The following RGL1 variants were observed in gnomAD, a reference collection of about 807,000 sequenced individuals.
RGL1 encodes the protein ral guanine nucleotide dissociation stimulator-like 1.
In RGL1, 24 loss-of-function variants were observed where a neutral mutation model predicts 95.2. The observed-to-expected ratio is 0.25, with a 90% CI of 0.18 to 0.35. The LOEUF is 0.35. RGL1 is among the 10% of genes least tolerant of loss of function. The pLI is 1.00. For synonymous variants in RGL1, 329 were observed against 344.9 expected (o/e 0.95, Z 0.51); for missense variants, 715 against 936.3 (o/e 0.76, Z 3.08).
intron 1 of RGL1, among the ~76,000 whole-genome samples, chr1:183,740,607 G>T (rs1044809910): frequency 1.3e-5 from 2 of 152,176 alleles, no homozygotes; most frequent in African/African-American, 4.8e-5. Flanking sequence ...ATGAAAACCA[G>T]CCTGTTGTTA....
At chr1:183,783,404 C>T (rs1020256206) in intron 2 of RGL1, among the ~76,000 whole-genome samples, 1 of 152,160 alleles carries the variant, frequency 6.6e-6, no homozygotes, top group Non-Finnish European at 1.5e-5. Flanking sequence ...TACTTTTGCA[C>T]CAATCCAATA....
chr1:183,884,606 T>A (rs1667008957), intron 6 of RGL1, 117 bp from the exon 7 acceptor site: 1 of 757,916 alleles, frequency 1.3e-6, no homozygotes, highest in Non-Finnish European at 2.2e-6. Context: ...ACAAATCAAG[T>A]AGAAAAGGAT....
intron 1 of RGL1, among the ~76,000 whole-genome samples, chr1:183,705,519 G>A (rs982932176): frequency 6.6e-6 from 1 of 152,156 alleles, no homozygotes; most frequent in African/African-American, 2.4e-5. Context: ...CCAAAAAGGT[G>A]GGGGCTGTCT....
rs987969991 is a variant in RGL1 at position 183,746,668 on chromosome 1, T to G, written c.132+4379T>G. On this transcript the variant is annotated intron_variant, in intron 2 of 18. Coordinates refer to the RGL1 transcript ENST00000304685. ...TTCTTATATATTTTTTTAATATACT[T>G]TAAGTTCTGGGATACATGTACAGAA... 7.2e-5 allele frequency among the ~76,000 whole-genome samples: 11 copies of G among 151,960 alleles called. No homozygotes were observed. In the South Asian group the frequency reaches 2.1e-3, roughly 29 times the overall value.
rs746629126 is a variant in RGL1 at position 183,907,032 on chromosome 1, T to C, written c.1493T>C (p.Ile498Thr). The C allele has an allele frequency of 3.1e-6, 5 of 1,611,474 alleles. No homozygotes were observed. Among genetic ancestry groups the C allele is most frequent in the Admixed American group, 1.7e-5 (1 of 59,928 alleles). ...EEESYALSCE[I>T]EAAADASTTS... is the part of the protein sequence containing the mutation. ...CTCAGCTATGCCCTGTCATGTGAGATTGAAGCAGCTGCTGACGCCAGCACC... is the reference window on the plus strand; with the variant it reads ...CTCAGCTATGCCCTGTCATGTGAGACTGAAGCAGCTGCTGACGCCAGCACC... Residue 498 changes from isoleucine (I) to threonine (T), a missense_variant, in exon 14 of 18, where the codon ATT (isoleucine) becomes ACT (threonine). By Grantham distance (89) the Ile-to-Thr change is moderately conservative (BLOSUM62 -1). Around this residue, in one of 3 missense-constraint regions of RGL1, gnomAD observed 330 missense variants for 429.6 expected, o/e 0.77. Coordinates refer to ENST00000360851, the MANE Select transcript of RGL1 (RefSeq NM_001297671.3).
intron 1 of RGL1, among the ~76,000 whole-genome samples, chr1:183,710,778 G>A (rs1655215622): frequency 6.6e-6 from 1 of 152,114 alleles, no homozygotes; most frequent in African/African-American, 2.4e-5. Context: ...CTGCCCCCAC[G>A]ATCCAGTCAC....
In RGL1 at chr1:183,916,549, A is replaced by G. The variant is rs1324591699; in HGVS notation, c.1852A>G (p.Asn618Asp). Residue 618 changes from asparagine (N) to aspartate (D), a missense_variant, in exon 16 of 18, where the codon AAC (asparagine) becomes GAC (aspartate). Asn to Asp is a conservative substitution (Grantham distance 23). This residue lies in a region of RGL1 where 330 missense variants were observed against 429.6 expected (regional missense o/e 0.77). Coordinates refer to ENST00000360851, the MANE Select transcript of RGL1 (RefSeq NM_001297671.3). ...CCCCCTCTCCTCCCCTCCGTCCTGC[A>G]ACAACAACCCCAAAATCCACAAGCG... ...INPLSSPPSC[N>D]NNPKIHKRSV... is the part of the protein sequence containing the mutation. 6.2e-7 allele frequency: 1 copy of G among 1,613,178 alleles called. No individual in the cohort carries two copies. The highest frequency in any genetic ancestry group is 1.1e-5 in the South Asian group (1 of 91,004).
At chr1:183,848,940 G>C (rs529862721) in intron 3 of RGL1, among the ~76,000 whole-genome samples, 3 of 152,064 alleles carry the variant, frequency 2.0e-5, no homozygotes, top group African/African-American at 7.2e-5. Context: ...TGTATAGAAA[G>C]TATGTATGTA....
At chr1:183,763,969 G>T (rs1658835283) in intron 2 of RGL1, among the ~76,000 whole-genome samples, 1 of 152,168 alleles carries the variant, frequency 6.6e-6, no homozygotes, top group African/African-American at 2.4e-5. Flanking sequence ...TGCAGAATTT[G>T]TACTGGGTGA....
intron 1 of RGL1, among the ~76,000 whole-genome samples, chr1:183,697,624 A>G (rs1654331826): frequency 6.6e-6 from 1 of 152,240 alleles, no homozygotes; most frequent in African/African-American, 2.4e-5. Flanking sequence ...ATCATGAGAT[A>G]GTCAATCCAG....
At chr1:183,762,613 T>C (rs1572382647) in intron 2 of RGL1, among the ~76,000 whole-genome samples, 1 of 152,202 alleles carries the variant, frequency 6.6e-6, no homozygotes, top group African/African-American at 2.4e-5. Context: ...TTCAATTTAT[T>C]ATGCAGCCAA....
intron 1 of RGL1, among the ~76,000 whole-genome samples, chr1:183,677,827 G>A (rs1040379833): frequency 2.6e-5 from 4 of 152,176 alleles, no homozygotes; most frequent in Admixed American, 1.3e-4. Flanking sequence ...AGGTTGTCAC[G>A]TAGGTAGTGA....
At chr1:183,911,105 G>A (rs1204021078) in intron 14 of RGL1, among the ~76,000 whole-genome samples, 1 of 152,194 alleles carries the variant, frequency 6.6e-6, no homozygotes, top group African/African-American at 2.4e-5. Flanking sequence ...AGCCTGGGCT[G>A]AAGGTATATC....
intron 1 of RGL1, among the ~76,000 whole-genome samples, chr1:183,688,237 A>G (rs1407956106): frequency 3.3e-5 from 5 of 152,182 alleles, no homozygotes; most frequent in Non-Finnish European, 5.9e-5. Context: ...CAGAACTCCA[A>G]TGGCTACAAA....
chr1:183,797,250 A>C (rs1157565577), intron 2 of RGL1, among the ~76,000 whole-genome samples: 1 of 151,946 alleles, frequency 6.6e-6, no homozygotes, highest in Non-Finnish European at 1.5e-5. Context: ...AATCGCTTGA[A>C]CCCAGGAGCC....
rs114059068 is a variant in RGL1 at position 183,911,084 on chromosome 1, G to A, written c.1563-998G>A. Among the ~76,000 whole-genome samples the A allele has an allele frequency of 5.2e-3, 784 of 152,186 alleles. 15 individuals are homozygous for A. The highest frequency in any genetic ancestry group is 0.018 in the African/African-American group (730 of 41,526). On this transcript the variant is annotated intron_variant, in intron 14 of 17. Coordinates refer to ENST00000360851, the MANE Select transcript of RGL1 (RefSeq NM_001297671.3). Reference sequence around the variant, plus strand: ...GTATCACGAGTTTATCTTTATCAGGGGATTCTCTGAAGCCTGGGCTGAAGG... The same window carrying A: ...GTATCACGAGTTTATCTTTATCAGGAGATTCTCTGAAGCCTGGGCTGAAGG...
chr1:183,868,768 A>G (rs1016007195), intron 4 of RGL1, among the ~76,000 whole-genome samples: 4 of 152,220 alleles, frequency 2.6e-5, no homozygotes, highest in African/African-American at 9.7e-5. Flanking sequence ...AGTCCAATCT[A>G]GAGCTGCCAT....
chr1:183,924,272 A>G (rs1054431792), intron 17 of RGL1, among the ~76,000 whole-genome samples: 3 of 152,194 alleles, frequency 2.0e-5, no homozygotes, highest in African/African-American at 7.2e-5. Context: ...TACACCATGG[A>G]ATACTATGCA....
rs1666784724 is a variant in RGL1 at position 183,880,823 on chromosome 1, G to A, written c.610+23G>A. 3.1e-6 allele frequency: 5 copies of A among 1,607,848 alleles called. No individual in the cohort carries two copies. In the South Asian group the frequency reaches 5.5e-5, roughly 18 times the overall value. On this transcript the variant is annotated intron_variant, in intron 5 of 17. Coordinates refer to ENST00000360851, the MANE Select transcript of RGL1 (RefSeq NM_001297671.3). ...ACAGTGAGTACTTGTTTGTTCCCAG[G>A]GAAAAGGCTAGATTCTGATTCTCCA...
Sources: gnomAD v4.1 joint callset for allele counts (sites outside exome capture counted in the v4.1 genomes callset) on GRCh38, gnomAD v4.1.1 for gene constraint, gnomAD v4.1.1 regional missense constraint, MANE v1.5 for transcripts, NCBI Gene and HGNC (gene_info 2026-07-23, HGNC 2026-07-21) for gene names.